Variants in RAB27A observed in about 807,000 individuals in gnomAD.
The protein encoded by RAB27A is RAB27A, member RAS oncogene family.
RAB27A carries 17 observed loss-of-function variants against 20.8 expected under a neutral mutation model. That is an observed-to-expected ratio of 0.82 (90% confidence interval 0.56 to 1.23). RAB27A has a LOEUF of 1.23. RAB27A is among the 50% of genes most tolerant of loss of function. The pLI is 0.00. For missense variants in RAB27A, 277 were observed against 266.7 expected (o/e 1.04, Z -0.27); for synonymous variants, 85 against 92.8 (o/e 0.92, Z 0.48).
At chr15:55,244,765 T>C (rs545212925) in intron 2 of RAB27A, among the ~76,000 whole-genome samples, 2 of 152,340 alleles carry the variant, frequency 1.3e-5, no homozygotes, top group East Asian at 1.9e-4. Flanking sequence ...TCAGCATTTA[T>C]GTGAATTATA....
chr15:55,239,782 C>G (rs1207113081), intron 2 of RAB27A, among the ~76,000 whole-genome samples: 1 of 152,060 alleles, frequency 6.6e-6, no homozygotes, highest in Non-Finnish European at 1.5e-5. Context: ...GACCAGAATT[C>G]CAAAGAATAA....
At chr15:55,230,022 C>T (rs1050509557) in intron 4 of RAB27A, among the ~76,000 whole-genome samples, 105 of 152,236 alleles carry the variant, frequency 6.9e-4, no homozygotes, top group African/African-American at 2.5e-3. Flanking sequence ...GGTCAAGTAA[C>T]CCCTGGTCAC....
At chr15:55,282,250 T>G (rs1403283571) in intron 1 of RAB27A, among the ~76,000 whole-genome samples, 1 of 152,124 alleles carries the variant, frequency 6.6e-6, no homozygotes, top group Admixed American at 6.5e-5. Flanking sequence ...AGTATTAGAA[T>G]AAGAACATAA....
At chr15:55,254,663 A>AGGAGACAGAAAC (rs1897017218) in intron 2 of RAB27A, among the ~76,000 whole-genome samples, 1 of 152,180 alleles carries the variant, frequency 6.6e-6, no homozygotes, top group South Asian at 2.1e-4. Flanking sequence ...CCTCCATCTT[A>AGGAGACAGAAAC]TGTTCTCTGT....
intron 2 of RAB27A, among the ~76,000 whole-genome samples, chr15:55,308,219 G>A (rs2055006446): frequency 6.6e-6 from 1 of 152,100 alleles, no homozygotes; most frequent in African/African-American, 2.4e-5. Flanking sequence ...CCCCGGCAGT[G>A]TAAGACTGTC....
At chr15:55,314,915 T>C (rs1318076973) in intron 1 of RAB27A, among the ~76,000 whole-genome samples, 1 of 152,122 alleles carries the variant, frequency 6.6e-6, no homozygotes, top group Non-Finnish European at 1.5e-5. Context: ...AAAAATACTT[T>C]AAATTTCATG....
At chr15:55,317,716 T>C (rs756155343) in intron 1 of RAB27A, 2 of 398,536 alleles carry the variant, frequency 5.0e-6, no homozygotes, top group Non-Finnish European at 8.8e-6. Context: ...AAATACTGGT[T>C]GAAAAATATA....
chr15:55,268,050 A>G (rs1897567309), intron 2 of RAB27A, among the ~76,000 whole-genome samples: 1 of 152,210 alleles, frequency 6.6e-6, no homozygotes, highest in Non-Finnish European at 1.5e-5. Flanking sequence ...AGACAGAGAG[A>G]GCAGCCAAGA....
chr15:55,299,592 CAA>C (rs570200207), intron 2 of RAB27A, among the ~76,000 whole-genome samples: 2 of 70,288 alleles, frequency 2.8e-5, no homozygotes, highest in African/African-American at 5.4e-5. Context: ...GAATCTGTCT[CAA>C]AAAAAAAAAA....
At chr15:55,318,175 G>A (rs1225354361) in intron 1 of RAB27A, among the ~76,000 whole-genome samples, 1 of 147,864 alleles carries the variant, frequency 6.8e-6, no homozygotes, top group Non-Finnish European at 1.5e-5. Context: ...TCGGCTCACT[G>A]CAAGCTCCGC....
chr15:55,300,276 A>G (rs979780811), intron 2 of RAB27A, among the ~76,000 whole-genome samples: 16 of 152,198 alleles, frequency 1.1e-4, no homozygotes, highest in Non-Finnish European at 1.9e-4. Context: ...ATATATAAGT[A>G]TACATAGACT....
intron 2 of RAB27A, among the ~76,000 whole-genome samples, chr15:55,300,094 A>T (rs2054965450): frequency 6.6e-6 from 1 of 152,118 alleles, no homozygotes. Flanking sequence ...TGCTGGGATT[A>T]CAGGCATGAG....
chr15:55,249,257 T>C (rs539181663), intron 2 of RAB27A, among the ~76,000 whole-genome samples: 1 of 152,152 alleles, frequency 6.6e-6, no homozygotes, highest in Non-Finnish European at 1.5e-5. Context: ...ACAACAAATT[T>C]GGTGGAATTT....
At chr15:55,276,591 A>T (rs975246118) in intron 1 of RAB27A, among the ~76,000 whole-genome samples, 1 of 152,018 alleles carries the variant, frequency 6.6e-6, no homozygotes, top group Non-Finnish European at 1.5e-5. Context: ...ATTTTAATTT[A>T]AAAAAAAGTA....
intron 2 of RAB27A, among the ~76,000 whole-genome samples, chr15:55,307,395 C>T (rs1041075285): frequency 9.9e-5 from 15 of 151,912 alleles, no homozygotes; most frequent in African/African-American, 3.6e-4. Context: ...GCAGACCATG[C>T]GAGGTGGGTT....
intron 2 of RAB27A, among the ~76,000 whole-genome samples, chr15:55,310,102 C>T (rs140450989): frequency 6.6e-6 from 1 of 152,044 alleles, no homozygotes. Flanking sequence ...GAATGTCTCT[C>T]CCTAACAAGG....
chr15:55,246,883 G>C (rs1896707649), intron 2 of RAB27A, among the ~76,000 whole-genome samples: 1 of 151,950 alleles, frequency 6.6e-6, no homozygotes, highest in South Asian at 2.1e-4. Context: ...CTTTTTGTGA[G>C]CACATAGAAG....
chr15:55,286,647 T>C (rs1222046562), intron 1 of RAB27A, among the ~76,000 whole-genome samples: 2 of 152,052 alleles, frequency 1.3e-5, no homozygotes, highest in Non-Finnish European at 2.9e-5. Context: ...GCAAGAGTGA[T>C]AGCAGATGAA....
At chr15:55,267,610 C>T (rs1897547380) in intron 2 of RAB27A, among the ~76,000 whole-genome samples, 1 of 152,158 alleles carries the variant, frequency 6.6e-6, no homozygotes, top group Non-Finnish European at 1.5e-5. Flanking sequence ...TTTTAATGGG[C>T]TTCACATGAC....
Sources: allele counts gnomAD v4.1 joint callset (sites outside exome capture counted in the v4.1 genomes callset), GRCh38; gene constraint gnomAD v4.1.1; transcripts MANE v1.5; gene names NCBI Gene and HGNC (gene_info 2026-07-23, HGNC 2026-07-21).